The following CD5L variants were observed in gnomAD, a reference collection of about 807,000 sequenced individuals.
CD5L encodes the protein CD5 molecule like.
Under a neutral mutation model 40.8 loss-of-function variants are expected in CD5L, and 39 were observed. The observed-to-expected ratio is 0.96, with a 90% CI of 0.74 to 1.25. The LOEUF (loss-of-function observed/expected upper bound fraction) is 1.25. Ranked by LOEUF, CD5L falls within the 50% of genes most tolerant of loss-of-function variation. The pLI, the probability that CD5L is intolerant of heterozygous loss-of-function variation, is 0.00. For missense variants in CD5L, 433 were observed against 435.9 expected, an observed-to-expected ratio of 0.99 and a Z score of 0.06; for synonymous variants, 192 against 169.6, an observed-to-expected ratio of 1.13 and a Z score of -1.03.
intron 2 of CD5L, among the ~76,000 whole-genome samples, chr1:157,836,697 G>A (rs552828020): frequency 2.0e-4 from 30 of 152,200 alleles, no homozygotes; most frequent in Admixed American, 3.9e-4. Flanking sequence ...TGTACAATTC[G>A]GGCTGAACAG....
In CD5L at chr1:157,831,425, C is replaced by G; in HGVS notation, c.*539G>C. 3 of 984,316 alleles carry G rather than the reference C, an allele frequency of 3.0e-6. No homozygotes were observed. Among genetic ancestry groups the G allele is most frequent in the Non-Finnish European group, 3.6e-6 (3 of 829,632 alleles). 61.0% of individuals were successfully genotyped at this position (984,316 alleles called of 1,614,324 possible). On this transcript the variant is annotated 3_prime_UTR_variant, in exon 6 of 6. Coordinates refer to ENST00000368174, the MANE Select transcript of CD5L (RefSeq NM_005894.3). ...AATAGGGAGGTGTTGCTATTGTGGT[C>G]ACCTGAAGCTTGAGGAAAAAAAAAA...
chr1:157,839,322 C>T, intron 2 of CD5L, 62 bp downstream of exon 2: 1 of 1,518,152 alleles, frequency 6.6e-7, no homozygotes, highest in South Asian at 1.1e-5. Context: ...GCTCAAGAAG[C>T]TTCAAAATTT....
chr1:157,827,927 A>C (rs1655945998), downstream of CD5L, among the ~76,000 whole-genome samples: 1 of 152,148 alleles, frequency 6.6e-6, no homozygotes, highest in African/African-American at 2.4e-5. Flanking sequence ...TGCCATTATC[A>C]CTTCTAGTTT....
chr1:157,839,474 C>G, intron 1 of CD5L, 64 bp from the exon 2 acceptor site: 1 of 1,547,490 alleles, frequency 6.5e-7, no homozygotes, highest in Non-Finnish European at 8.9e-7. Flanking sequence ...GAACACAACT[C>G]TAGAAGGCCT....
At chr1:157,839,502 A>G (rs1656308079) in intron 1 of CD5L, 92 bp from the exon 2 acceptor site, 2 of 1,344,052 alleles carry the variant, frequency 1.5e-6, no homozygotes, top group African/African-American at 2.9e-5. Flanking sequence ...ACTGTGTGAG[A>G]CAAGAGTGGT....
chr1:157,835,774 C>T lies in CD5L; in HGVS notation c.376+61G>A, dbSNP rs186317868. ...GTCTATGGTAGGGAATGAAGACCAA[C>T]AAGAGTGGCCGTGAGGGGTATGGCA... On this transcript the variant is annotated intron_variant, in intron 3 of 5. Coordinates refer to ENST00000368174, the MANE Select transcript of CD5L (RefSeq NM_005894.3). 2.1e-3 allele frequency: 2,879 copies of T among 1,398,568 alleles called. 37 individuals are homozygous for T. The African/African-American group carries it at 0.036, about 17-fold the overall frequency. 86.6% of individuals were successfully genotyped at this position (1,398,568 alleles called of 1,614,324 possible).
chr1:157,839,799 T>C (rs1571454958), intron 1 of CD5L, among the ~76,000 whole-genome samples: 1 of 151,738 alleles, frequency 6.6e-6, no homozygotes, highest in African/African-American at 2.4e-5. Flanking sequence ...CCGGTGGAGG[T>C]AAAGATGCCA....
At chr1:157,829,792 T>C (rs1655999835), downstream of CD5L, among the ~76,000 whole-genome samples, 1 of 152,178 alleles carries the variant, frequency 6.6e-6, no homozygotes, top group Non-Finnish European at 1.5e-5. Flanking sequence ...TCAAAAAAAT[T>C]ATTATGTACC....
chr1:157,840,571 C>T (rs1656343067), intron 1 of CD5L, among the ~76,000 whole-genome samples: 1 of 152,142 alleles, frequency 6.6e-6, no homozygotes, highest in African/African-American at 2.4e-5. Context: ...TCAATGAGGC[C>T]TTTTCTGCAA....
At chr1:157,841,606 A>T in intron 1 of CD5L, 68 bp downstream of exon 1, 2 of 1,403,232 alleles carry the variant, frequency 1.4e-6, no homozygotes, top group Non-Finnish European at 2.0e-6. Context: ...GTTGGCGGGG[A>T]GAAAGTTCTC....
At chr1:157,841,337 T>A (rs951642560) in intron 1 of CD5L, among the ~76,000 whole-genome samples, 4 of 152,250 alleles carry the variant, frequency 2.6e-5, no homozygotes, top group Non-Finnish European at 5.9e-5. Flanking sequence ...CTACTTCCTT[T>A]CCTGGCTCTA....
intron 2 of CD5L, among the ~76,000 whole-genome samples, chr1:157,837,592 A>G: frequency 6.6e-6 from 1 of 152,140 alleles, no homozygotes; most frequent in East Asian, 1.9e-4. Flanking sequence ...TGGAAGATGA[A>G]CAGCTTAATA....
downstream of CD5L, among the ~76,000 whole-genome samples, chr1:157,830,458 A>T (rs375706846): frequency 6.6e-6 from 1 of 151,776 alleles, no homozygotes; most frequent in East Asian, 1.9e-4. Flanking sequence ...TTGCCTCCGG[A>T]CTCCCAGCCG....
In CD5L at chr1:157,833,769, C is replaced by CA. The variant is rs1235270738; in HGVS notation, c.719-258_719-257insT. On this transcript the variant is annotated intron_variant, in intron 4 of 5. Coordinates refer to ENST00000368174, the MANE Select transcript of CD5L (RefSeq NM_005894.3). ...TACAGGTGCATGCCACAAAGCTCAG[C>CA]TTTTTTTTTTTTTTTTTTTTTTAAG... 2.2e-4 allele frequency among the ~76,000 whole-genome samples: 25 copies of CA among 114,492 alleles called. 1 individual carries two copies. The East Asian group carries it at 6.2e-3, about 28-fold the overall frequency. The allele number at this position is 114,492 out of a possible 152,430, so 75.1% of individuals were successfully genotyped here. A position where few individuals can be genotyped will look rare whatever the true frequency, so the allele number is the denominator to read the frequency against.
At chr1:157,840,001 A>G (rs1298121718) in intron 1 of CD5L, among the ~76,000 whole-genome samples, 2 of 152,248 alleles carry the variant, frequency 1.3e-5, no homozygotes, top group Non-Finnish European at 2.9e-5. Context: ...ACATATATGT[A>G]TGCAAGTGAG....
At chr1:157,834,818 T>C (rs377686616) in intron 3 of CD5L, 70 bp from the exon 4 acceptor site, 2 of 1,202,428 alleles carry the variant, frequency 1.7e-6, no homozygotes, top group Non-Finnish European at 2.4e-6. Context: ...GGCGGCCCAA[T>C]GGACACATCT....
chr1:157,830,881 G>C (rs1019384225), downstream of CD5L: 40 of 904,056 alleles, frequency 4.4e-5, no homozygotes, highest in African/African-American at 6.5e-4. Context: ...TTCTCTGTGG[G>C]CAGAAAGAGC....
At chr1:157,836,712 A>G (rs948914897) in intron 2 of CD5L, among the ~76,000 whole-genome samples, 1 of 152,192 alleles carries the variant, frequency 6.6e-6, no homozygotes, top group African/African-American at 2.4e-5. Context: ...GAACAGCCTA[A>G]CTATCTCTCA....
chr1:157,830,023 G>A (rs1441092476), downstream of CD5L, among the ~76,000 whole-genome samples: 2 of 152,038 alleles, frequency 1.3e-5, no homozygotes, highest in Admixed American at 1.3e-4. Flanking sequence ...CTGAAGCTAG[G>A]TTTCTCTACC....
Sources: allele counts gnomAD v4.1 joint callset (sites outside exome capture counted in the v4.1 genomes callset), GRCh38; gene constraint gnomAD v4.1.1; transcripts MANE v1.5; gene names NCBI Gene and HGNC (gene_info 2026-07-23, HGNC 2026-07-21).